MYO5B: variants seen among roughly 807,000 people sequenced by gnomAD.
The protein encoded by MYO5B is unconventional myosin-Vb.
MYO5B carries 143 observed loss-of-function variants against 229.3 expected under a neutral mutation model. The observed-to-expected ratio is 0.62, with a 90% confidence interval of 0.54 to 0.72. The LOEUF (loss-of-function observed/expected upper bound fraction) is 0.72, where lower values mean the gene tolerates loss of function less well. Among genes scored for constraint, MYO5B ranks in the 30% least tolerant of loss-of-function variants. The probability of loss-of-function intolerance (pLI) is 0.00; values close to 1 mark genes in which losing one functional copy is unlikely to be tolerated. For synonymous variants in MYO5B, 918 were observed against 885.2 expected, an observed-to-expected ratio of 1.04 and a Z score of -0.66; for missense variants, 2,321 against 2,331.0, an observed-to-expected ratio of 1.00 and a Z score of 0.09.
chr18:49,957,259 A>G (rs1464569440), intron 12 of MYO5B, among the ~76,000 whole-genome samples: 2 of 149,078 alleles, frequency 1.3e-5, no homozygotes, highest in Non-Finnish European at 3.0e-5. Flanking sequence ...TACACTCTCT[A>G]TCACAGATGT....
At chr18:50,018,308 T>C (rs928202091) in intron 4 of MYO5B, among the ~76,000 whole-genome samples, 4 of 146,912 alleles carry the variant, frequency 2.7e-5, no homozygotes, top group Admixed American at 2.0e-4. Context: ...TTTTGCTTGA[T>C]GATACAGTCT....
intron 16 of MYO5B, among the ~76,000 whole-genome samples, chr18:49,930,101 AG>A (rs2025173422): frequency 6.6e-6 from 1 of 152,208 alleles, no homozygotes; most frequent in Non-Finnish European, 1.5e-5. Flanking sequence ...CTTTGGGGCA[AG>A]TCACTTCATG....
At chr18:50,005,700 A>G (rs996423427) in intron 4 of MYO5B, among the ~76,000 whole-genome samples, 5 of 152,196 alleles carry the variant, frequency 3.3e-5, no homozygotes, top group African/African-American at 9.7e-5. Flanking sequence ...TACAGGCATG[A>G]GCCACTGCCT....
chr18:50,025,352 C>A (rs1368116692), intron 4 of MYO5B, among the ~76,000 whole-genome samples: 1 of 152,170 alleles, frequency 6.6e-6, no homozygotes, highest in Non-Finnish European at 1.5e-5. Context: ...CCGATGATTT[C>A]ATCACCCTTC....
chr18:50,022,707 A>G (rs2026289817), intron 4 of MYO5B, among the ~76,000 whole-genome samples: 1 of 152,244 alleles, frequency 6.6e-6, no homozygotes, highest in Non-Finnish European at 1.5e-5. Flanking sequence ...CACCACGGTC[A>G]GAGAGAATTC....
intron 4 of MYO5B, among the ~76,000 whole-genome samples, chr18:50,025,591 T>C (rs74654443): frequency 0.016 from 2,365 of 152,328 alleles, 62 homozygotes; most frequent in African/African-American, 0.053. Context: ...TGTAACAGTA[T>C]ATGTTTATTA....
chr18:50,069,653 C>T lies in MYO5B; in HGVS notation c.28-14275G>A, dbSNP rs77955486. Among the ~76,000 whole-genome samples, 76 of 152,184 alleles carry T rather than the reference C, an allele frequency of 5.0e-4. No individual in the cohort carries two copies. The East Asian group carries it at 0.013, about 26-fold the overall frequency. ...AAAGGGCTTATGCAAATAGTAATTC[C>T]TAGAATTCCATGGGACAGGAAGCAC... On this transcript the variant is annotated intron_variant, in intron 1 of 39. Coordinates refer to ENST00000285039, the MANE Select transcript of MYO5B (RefSeq NM_001080467.3).
At chr18:50,162,702 G>C (rs1330158107) in intron 1 of MYO5B, among the ~76,000 whole-genome samples, 1 of 152,228 alleles carries the variant, frequency 6.6e-6, no homozygotes, top group Non-Finnish European at 1.5e-5. Context: ...CATCAGATAT[G>C]ATCATCAACT....
intron 2 of MYO5B, among the ~76,000 whole-genome samples, chr18:50,054,043 G>C (rs1354201441): frequency 1.3e-5 from 2 of 152,178 alleles, no homozygotes; most frequent in Admixed American, 6.5e-5. Flanking sequence ...ACCTCTGCCT[G>C]CATCCTCAGT....
At chr18:50,132,367 T>C (rs2032267545) in intron 1 of MYO5B, among the ~76,000 whole-genome samples, 1 of 152,202 alleles carries the variant, frequency 6.6e-6, no homozygotes, top group Admixed American at 6.5e-5. Flanking sequence ...TCAGTTTAAT[T>C]ATGTAAAGTT....
intron 1 of MYO5B, among the ~76,000 whole-genome samples, chr18:50,181,310 T>C (rs1161158074): frequency 6.7e-6 from 1 of 148,944 alleles, no homozygotes; most frequent in East Asian, 2.0e-4. Flanking sequence ...AATGAGTATT[T>C]TCCTGACAAT....
intron 4 of MYO5B, among the ~76,000 whole-genome samples, chr18:50,024,770 TCAAC>T (rs2026312701): frequency 6.6e-6 from 1 of 152,138 alleles, no homozygotes; most frequent in Admixed American, 6.5e-5. Context: ...GCAGTATTCC[TCAAC>T]CAGAGAGGTT....
At chr18:50,058,052 T>C (rs2030595081) in intron 1 of MYO5B, among the ~76,000 whole-genome samples, 1 of 152,196 alleles carries the variant, frequency 6.6e-6, no homozygotes, top group South Asian at 2.1e-4. Flanking sequence ...GATATTCACA[T>C]AACATGAAAA....
chr18:50,097,716 T>C (rs2031579095), intron 1 of MYO5B: 1 of 154,586 alleles, frequency 6.5e-6, no homozygotes, highest in African/African-American at 2.4e-5. Context: ...AGCCAGTGCT[T>C]AGGGAAGGAT....
chr18:50,187,613 T>TCGGCCTC, intron 1 of MYO5B, among the ~76,000 whole-genome samples: 1 of 152,124 alleles, frequency 6.6e-6, no homozygotes, highest in Admixed American at 6.5e-5. Flanking sequence ...ACTCCCAGGC[T>TCGGCCTC]CAAGCAATCC....
chr18:50,005,354 A>G (rs1379586370), intron 4 of MYO5B, among the ~76,000 whole-genome samples: 1 of 152,218 alleles, frequency 6.6e-6, no homozygotes, highest in African/African-American at 2.4e-5. Context: ...ACGTACCCAC[A>G]TTATAGAGAA....
chr18:49,902,769 T>C lies in MYO5B; in HGVS notation c.2636A>G (p.His879Arg), dbSNP rs1208792655. 6.2e-7 allele frequency: 1 copy of C among 1,605,316 alleles called. No homozygotes were observed. Among genetic ancestry groups the C allele is most frequent in the Non-Finnish European group, 8.5e-7 (1 of 1,179,966 alleles). The change falls in exon 21 of 40, where the codon CAC becomes CGC. Residue 879 changes from histidine to arginine, a missense_variant. By Grantham distance (29) the His-to-Arg change is conservative (BLOSUM62 0). This residue lies in a region of MYO5B where 2,113 missense variants were observed against 2,044.7 expected (regional missense o/e 1.03). Coordinates refer to ENST00000285039, the MANE Select transcript of MYO5B (RefSeq NM_001080467.3). ...GGCTGCATCCCGCAGCCGCTGGAAG[T>C]GCCTGCGTGCCATCCAGCCCCGCAC... ...KHVRGWMARR[H>R]FQRLRDAAIV...
At chr18:49,985,377 C>A (rs1415494495) in intron 7 of MYO5B, among the ~76,000 whole-genome samples, 2 of 152,186 alleles carry the variant, frequency 1.3e-5, no homozygotes, top group Non-Finnish European at 2.9e-5. Flanking sequence ...CAGCTTAATT[C>A]TTCTTCAGTC....
intron 33 of MYO5B, among the ~76,000 whole-genome samples, chr18:49,845,676 C>T (rs1388683544): frequency 6.6e-6 from 1 of 152,204 alleles, no homozygotes; most frequent in East Asian, 1.9e-4. Flanking sequence ...TCCAGAGGAT[C>T]AGACCACCAA....
Sources: allele counts gnomAD v4.1 joint callset (sites outside exome capture counted in the v4.1 genomes callset), GRCh38; gene constraint gnomAD v4.1.1; regional missense constraint gnomAD v4.1.1; transcripts MANE v1.5; gene names NCBI Gene and HGNC (gene_info 2026-07-23, HGNC 2026-07-21).